The following RHEX variants were observed in gnomAD, a reference collection of about 807,000 sequenced individuals.
The protein encoded by RHEX is regulator of hemoglobinization and erythroid cell expansion, also known as regulator of hemoglobinization and erythroid cell expansion protein.
A neutral mutation model predicts 20.1 loss-of-function variants in RHEX; 18 were observed. The ratio of observed to expected loss-of-function variants is 0.90; its 90% CI spans 0.62 to 1.33. RHEX has a LOEUF of 1.33. Among genes scored for constraint, RHEX ranks in the 40% most tolerant of loss-of-function variants. RHEX has a pLI of 0.00. For missense variants in RHEX, 192 were observed against 214.3 expected, an observed-to-expected ratio of 0.90 and a Z score of 0.65; for synonymous variants, 87 against 77.1, an observed-to-expected ratio of 1.13 and a Z score of -0.67.
chr1:206,076,964 A>G (rs1662646254), intron 1 of RHEX, among the ~76,000 whole-genome samples: 1 of 152,150 alleles, frequency 6.6e-6, no homozygotes, highest in Non-Finnish European at 1.5e-5. Context: ...CTGCATCCCC[A>G]CCAGCTGGGA....
intron 1 of RHEX, among the ~76,000 whole-genome samples, chr1:206,055,690 G>A (rs1340261228): frequency 6.6e-6 from 1 of 152,248 alleles, no homozygotes; most frequent in Non-Finnish European, 1.5e-5. Context: ...ACACCCAACA[G>A]CAATGAGCTT....
At chr1:206,072,850 G>C (rs1490894493) in intron 1 of RHEX, among the ~76,000 whole-genome samples, 1 of 44,360 alleles carries the variant, frequency 2.3e-5, no homozygotes, top group Admixed American at 2.6e-4. Flanking sequence ...TTTTTTTTTT[G>C]AGACAGGGTC....
chr1:206,068,505 A>C (rs1336741180), intron 1 of RHEX, among the ~76,000 whole-genome samples: 1 of 152,206 alleles, frequency 6.6e-6, no homozygotes. Flanking sequence ...AGCATAGAGC[A>C]GAAATAAGGG....
At position 206,055,563 on chromosome 1, in the gene RHEX, C is replaced by T. The variant is rs186789577; in HGVS notation, c.-97+2298C>T. Reference sequence around the variant, plus strand: ...CACATCTATTTAGATGCAATCGAAGCCCCGCAAGGAACACCAGATCAATTT... The same window carrying T: ...CACATCTATTTAGATGCAATCGAAGTCCCGCAAGGAACACCAGATCAATTT... On this transcript the variant is annotated intron_variant, in intron 1 of 5. Transcript: ENST00000331555. Among the ~76,000 whole-genome samples, 433 of 152,362 alleles carry T rather than the reference C, an allele frequency of 2.8e-3. 9 individuals are homozygous for T. The highest frequency in any genetic ancestry group is 0.023 in the South Asian group (111 of 4,822).
chr1:206,080,676 T>C (rs1169595398), intron 1 of RHEX, among the ~76,000 whole-genome samples: 1 of 151,886 alleles, frequency 6.6e-6, no homozygotes, highest in African/African-American at 2.4e-5. Context: ...GGGGCAGGAG[T>C]CTGTCAGCTC....
chr1:206,055,926 C>T (rs1553282562), intron 1 of RHEX, among the ~76,000 whole-genome samples: 1 of 152,268 alleles, frequency 6.6e-6, no homozygotes. Context: ...TAGCAATAGC[C>T]CTGTTAGCAC....
chr1:206,060,105 C>T (rs957934816), intron 1 of RHEX, among the ~76,000 whole-genome samples: 1 of 152,158 alleles, frequency 6.6e-6, no homozygotes, highest in African/African-American at 2.4e-5. Flanking sequence ...GACTTAAAGT[C>T]AGAGAGATGG....
intron 1 of RHEX, among the ~76,000 whole-genome samples, chr1:206,082,461 C>T (rs903651507): frequency 4.0e-5 from 6 of 150,806 alleles, no homozygotes; most frequent in South Asian, 2.1e-4. Flanking sequence ...GAGGTTGCAG[C>T]GGGCCGAGGT....
At chr1:206,074,386 T>A (rs1042109203) in intron 1 of RHEX, among the ~76,000 whole-genome samples, 1 of 152,184 alleles carries the variant, frequency 6.6e-6, no homozygotes, top group Non-Finnish European at 1.5e-5. Flanking sequence ...AATGAATGAA[T>A]GGATGAATAA....
Position 206,098,107 on chromosome 1 carries a change from T to C in RHEX, c.38T>C (p.Val13Ala). 6.2e-7 allele frequency: 1 copy of C among 1,614,118 alleles called. No homozygotes were observed. The highest frequency in any genetic ancestry group is 8.5e-7 in the Non-Finnish European group (1 of 1,179,962). ...GTCATGGAGGTCTGGCATGGCTTAG[T>C]GATCGCGGTGGTGTCCCTCTTCCTG... is the stretch of plus-strand genomic sequence containing the variant. ...TEVMEVWHGL[V>A]IAVVSLFLQA... Residue 13 changes from valine (V) to alanine (A), a missense_variant, in exon 3 of 6, where the codon GTG becomes GCG. Physicochemically the swap from Val to Ala is moderately conservative, Grantham distance 64 (BLOSUM62 0). Transcript: ENST00000331555.
At chr1:206,101,671 A>C in intron 5 of RHEX, 81 bp from the exon 6 acceptor site, 1 of 1,089,278 alleles carries the variant, frequency 9.2e-7, no homozygotes, top group Non-Finnish European at 1.4e-6. Flanking sequence ...AATCTTGTTG[A>C]GTAAGAGTTC....
intron 3 of RHEX, among the ~76,000 whole-genome samples, chr1:206,099,021 G>T (rs1663132184): frequency 6.6e-6 from 1 of 152,192 alleles, no homozygotes; most frequent in South Asian, 2.1e-4. Context: ...AGGGAGTGAG[G>T]CGTGAACTCT....
chr1:206,061,924 A>G (rs527435126), intron 1 of RHEX: 1 of 152,084 alleles, frequency 6.6e-6, no homozygotes, highest in African/African-American at 2.4e-5. Flanking sequence ...AAAAAAAAAA[A>G]TACATAGGCC....
chr1:206,094,857 T>A (rs1663034670), intron 1 of RHEX, among the ~76,000 whole-genome samples: 1 of 152,174 alleles, frequency 6.6e-6, no homozygotes. Context: ...ATGTGGAAGA[T>A]GGTGTAGGCA....
chr1:206,098,019 G>C (rs1457240549), intron 2 of RHEX, 62 bp from the exon 3 acceptor site: 6 of 1,362,844 alleles, frequency 4.4e-6, no homozygotes, highest in East Asian at 4.6e-5. Context: ...GACAGGGATA[G>C]GTTTGCAATT....
intron 1 of RHEX, among the ~76,000 whole-genome samples, chr1:206,059,096 C>A (rs1471923916): frequency 9.2e-5 from 14 of 152,106 alleles, no homozygotes; most frequent in Non-Finnish European, 1.6e-4. Context: ...AGCTGGAGAC[C>A]CAAGTTCCCT....
At chr1:206,095,383 G>A (rs185670664) in intron 1 of RHEX, among the ~76,000 whole-genome samples, 5 of 148,376 alleles carry the variant, frequency 3.4e-5, no homozygotes, top group Admixed American at 3.4e-4. Context: ...TATATTAAGA[G>A]TAAAAAAATA....
At chr1:206,097,650 T>C (rs975708847) in intron 1 of RHEX, 83 bp from the exon 2 acceptor site, 34 of 775,442 alleles carry the variant, frequency 4.4e-5, no homozygotes, top group Admixed American at 1.1e-4. Context: ...TGTGTCACAA[T>C]TGATCCTCAA....
At chr1:206,083,709 G>A (rs533655137) in intron 1 of RHEX, 6 of 875,588 alleles carry the variant, frequency 6.9e-6, no homozygotes, top group East Asian at 2.4e-4. Context: ...ATTTGTTTGC[G>A]AGCATATATG....
Sources: allele counts gnomAD v4.1 joint callset (sites outside exome capture counted in the v4.1 genomes callset), GRCh38; gene constraint gnomAD v4.1.1; transcripts MANE v1.5; gene names NCBI Gene and HGNC (gene_info 2026-07-23, HGNC 2026-07-21).